DUSP19: variants seen among roughly 807,000 people sequenced by gnomAD.
DUSP19 encodes dual specificity protein phosphatase 19.
A neutral mutation model predicts 16.6 loss-of-function variants in DUSP19; 14 were observed. The observed-to-expected ratio is 0.84, with a 90% CI of 0.56 to 1.32. The LOEUF is 1.32. Among genes scored for constraint, DUSP19 ranks in the 40% most tolerant of loss-of-function variants. The probability of loss-of-function intolerance (pLI) is 0.00; values close to 1 mark genes in which losing one functional copy is unlikely to be tolerated. For synonymous variants in DUSP19, 81 were observed against 90.5 expected (o/e 0.90, Z 0.59); for missense variants, 258 against 255.9 (o/e 1.01, Z -0.06).
At chr2:183,087,329 T>C (rs3748879) in intron 3 of DUSP19, 137 bp downstream of exon 3, 52,543 of 921,632 alleles carry the variant, frequency 0.057, 1,963 homozygotes, top group South Asian at 0.13. Context: ...ATTTCATTAT[T>C]TCCTACAATT....
intron 3 of DUSP19, among the ~76,000 whole-genome samples, chr2:183,091,710 T>G (rs2105504590): frequency 6.6e-6 from 1 of 152,306 alleles, no homozygotes; most frequent in South Asian, 2.1e-4. Context: ...GTCTGATTGG[T>G]TGTGGACAGC....
Position 183,096,949 on chromosome 2 carries a change from T to A in DUSP19, c.*1291T>A, listed in dbSNP as rs1699810556. Reference sequence around the variant, plus strand: ...GAACTGAGCTCTGTACATTATAAATTTGCTTAAAGATTTTGATTTTTTCTT... The same window carrying A: ...GAACTGAGCTCTGTACATTATAAATATGCTTAAAGATTTTGATTTTTTCTT... On this transcript the variant is annotated 3_prime_UTR_variant, in exon 4 of 4. Coordinates refer to ENST00000354221, the MANE Select transcript of DUSP19 (RefSeq NM_080876.4). 6.6e-6 allele frequency: 1 copy of A among 152,442 alleles called. No individual in the cohort carries two copies. The highest frequency in any genetic ancestry group is 1.5e-5 in the Non-Finnish European group (1 of 68,012). 9.4% of individuals were successfully genotyped at this position (152,442 alleles called of 1,614,324 possible).
intron 3 of DUSP19, among the ~76,000 whole-genome samples, chr2:183,092,044 T>C (rs1172827631): frequency 1.3e-5 from 2 of 152,162 alleles, no homozygotes; most frequent in Non-Finnish European, 2.9e-5. Flanking sequence ...CTCTGCAGGA[T>C]AAGAAGGTTG....
At position 183,098,814 on chromosome 2, in the gene DUSP19, G is replaced by T. The variant is rs1490143616; in HGVS notation, c.*3156G>T. The T allele has an allele frequency of 6.6e-6, 1 of 152,002 alleles. No individual in the cohort carries two copies. Among genetic ancestry groups the T allele is most frequent in the Non-Finnish European group, 1.5e-5 (1 of 67,970 alleles). 9.4% of individuals were successfully genotyped at this position (152,002 alleles called of 1,614,324 possible). A position where few individuals can be genotyped will look rare whatever the true frequency, so the allele number is the denominator to read the frequency against. On this transcript the variant is annotated 3_prime_UTR_variant, in exon 4 of 4. Transcript: ENST00000354221. ...TTTCTAATTTTATGCCTTAAAATAG[G>T]TTTCTGATTACATAAAATTTGAATA...
At chr2:183,083,300 C>T (rs558754837) in intron 1 of DUSP19, 285 of 473,804 alleles carry the variant, frequency 6.0e-4, no homozygotes, top group Non-Finnish European at 3.8e-5. Flanking sequence ...ACATCTATAA[C>T]TTTTAGGACA....
At chr2:183,084,544 G>C (rs1463246028) in intron 2 of DUSP19, among the ~76,000 whole-genome samples, 5 of 152,146 alleles carry the variant, frequency 3.3e-5, no homozygotes, top group Non-Finnish European at 5.9e-5. Flanking sequence ...CTGGAATAGA[G>C]AGTGTGAGAA....
At chr2:183,080,668 T>G (rs1219452902) in intron 1 of DUSP19, among the ~76,000 whole-genome samples, 1 of 152,212 alleles carries the variant, frequency 6.6e-6, no homozygotes, top group Non-Finnish European at 1.5e-5. Context: ...ATTACTATTA[T>G]TTGTGGACTT....
rs1269337548 is a variant in DUSP19, at chr2:183,099,329, G to T, written c.*3671G>T. Reference sequence around the variant, plus strand: ...ATGATTACTTATTTATTTGTTCCAGGTGACTCTAAATAGTTGATTTTTCTG... The same window carrying T: ...ATGATTACTTATTTATTTGTTCCAGTTGACTCTAAATAGTTGATTTTTCTG... On this transcript the variant is annotated 3_prime_UTR_variant, in exon 4 of 4. Transcript: ENST00000354221. The T allele has an allele frequency of 2.0e-5, 3 of 152,218 alleles. No individual in the cohort carries two copies. In the East Asian group the frequency reaches 5.8e-4, roughly 29 times the overall value. 9.4% of individuals were successfully genotyped at this position (152,218 alleles called of 1,614,324 possible). A position where few individuals can be genotyped will look rare whatever the true frequency, so the allele number is the denominator to read the frequency against.
At chr2:183,079,567 G>A (rs1367674602) in intron 1 of DUSP19, among the ~76,000 whole-genome samples, 2 of 152,138 alleles carry the variant, frequency 1.3e-5, no homozygotes, top group Non-Finnish European at 2.9e-5. Flanking sequence ...GTTAATACTC[G>A]AAATAGTCCT....
chr2:183,092,790 G>A (rs554964046), intron 3 of DUSP19, among the ~76,000 whole-genome samples: 3 of 140,538 alleles, frequency 2.1e-5, no homozygotes, highest in East Asian at 4.4e-4. Flanking sequence ...TGCAACTTCC[G>A]CCTCCTGAGT....
chr2:183,092,700 T>G (rs934797468), intron 3 of DUSP19, among the ~76,000 whole-genome samples: 6 of 102,650 alleles, frequency 5.8e-5, no homozygotes, highest in African/African-American at 2.2e-4. Flanking sequence ...TCTGCCCAAG[T>G]TTTTTTTTTT....
chr2:183,091,129 A>G (rs554232585), intron 3 of DUSP19, among the ~76,000 whole-genome samples: 4 of 152,286 alleles, frequency 2.6e-5, no homozygotes, highest in Admixed American at 6.5e-5. Flanking sequence ...TCTATAATTT[A>G]TCTTATTTCC....
At position 183,099,236 on chromosome 2, in the gene DUSP19, G is replaced by A. The variant is rs369114133; in HGVS notation, c.*3578G>A. The A allele has an allele frequency of 3.9e-5, 6 of 152,094 alleles. No individual in the cohort carries two copies. In the East Asian group the frequency reaches 1.2e-3, roughly 29 times the overall value. The allele number at this position is 152,094 out of a possible 1,614,324, so 9.4% of individuals were successfully genotyped here. ...GAATATCATCTTATAATCTTACAGA[G>A]TTAACCTAATGAGTCAATACCTTTA... On this transcript the variant is annotated 3_prime_UTR_variant, in exon 4 of 4. Coordinates refer to ENST00000354221, the MANE Select transcript of DUSP19 (RefSeq NM_080876.4).
Position 183,095,646 on chromosome 2 carries a change from G to C in DUSP19, c.642G>C (p.Glu214Asp). ...KESNKCDRIQ[E>D]NSS Reference sequence around the variant, plus strand: ...GCAATAAGTGTGACAGAATACAGGAGAACAGTTCATGAGTTGCATTGTAGC... The same window carrying C: ...GCAATAAGTGTGACAGAATACAGGACAACAGTTCATGAGTTGCATTGTAGC... The change falls in exon 4 of 4, where the codon GAG becomes GAC. Residue 214 changes from glutamate to aspartate, a missense_variant. Physicochemically the swap from Glu to Asp is conservative, Grantham distance 45. Coordinates refer to ENST00000354221, the MANE Select transcript of DUSP19 (RefSeq NM_080876.4). The C allele has an allele frequency of 6.2e-7, 1 of 1,612,670 alleles. No individual in the cohort carries two copies. The highest frequency in any genetic ancestry group is 8.5e-7 in the Non-Finnish European group (1 of 1,179,020).
At chr2:183,084,224 A>G (rs902319901) in intron 2 of DUSP19, among the ~76,000 whole-genome samples, 3 of 152,100 alleles carry the variant, frequency 2.0e-5, no homozygotes, top group Admixed American at 6.6e-5. Context: ...TTGGGGGGAT[A>G]AGTGAGTCAG....
rs892794207 is a variant in DUSP19 at position 183,096,679 on chromosome 2, G to A, written c.*1021G>A. The A allele has an allele frequency of 1.3e-4, 20 of 151,340 alleles. No individual in the cohort carries two copies. Among genetic ancestry groups the A allele is most frequent in the African/African-American group, 4.4e-4 (18 of 41,142 alleles). The allele number at this position is 151,340 out of a possible 1,614,324, so 9.4% of individuals were successfully genotyped here. A position where few individuals can be genotyped will look rare whatever the true frequency, so the allele number is the denominator to read the frequency against. On this transcript the variant is annotated 3_prime_UTR_variant, in exon 4 of 4. Coordinates refer to ENST00000354221, the MANE Select transcript of DUSP19 (RefSeq NM_080876.4). ...ACATTTTGTGCTTTTTATCTTGGGT[G>A]CCTAGCATTCTGTTTTTTTGATCCT...
chr2:183,084,881 T>A (rs191674463), intron 2 of DUSP19, among the ~76,000 whole-genome samples: 1 of 152,186 alleles, frequency 6.6e-6, no homozygotes, highest in South Asian at 2.1e-4. Flanking sequence ...AGGGGTTTTT[T>A]AGAGGGTAGA....
chr2:183,090,108 C>G (rs560015557), intron 3 of DUSP19, among the ~76,000 whole-genome samples: 196 of 152,270 alleles, frequency 1.3e-3, no homozygotes, highest in African/African-American at 4.4e-3. Context: ...AATAAAAATT[C>G]TTGAATTTTT....
At chr2:183,094,792 A>C (rs926392317) in intron 3 of DUSP19, among the ~76,000 whole-genome samples, 2 of 152,160 alleles carry the variant, frequency 1.3e-5, no homozygotes, top group African/African-American at 4.8e-5. Context: ...AAGGGTAGAA[A>C]ATTTTTTCCT....
Sources: allele counts gnomAD v4.1 joint callset (sites outside exome capture counted in the v4.1 genomes callset), GRCh38; gene constraint gnomAD v4.1.1; transcripts MANE v1.5; gene names NCBI Gene and HGNC (gene_info 2026-07-23, HGNC 2026-07-21).